GRID2: variants seen among roughly 807,000 people sequenced by gnomAD.
The protein encoded by GRID2 is glutamate ionotropic receptor delta type subunit 2, also known as glutamate receptor ionotropic, delta-2.
A neutral mutation model predicts 114.8 loss-of-function variants in GRID2; 33 were observed. That is an observed-to-expected ratio of 0.29 (90% confidence interval 0.22 to 0.38). The LOEUF (loss-of-function observed/expected upper bound fraction) is 0.38, where lower values mean the gene tolerates loss of function less well. Ranked by LOEUF, GRID2 falls within the 10% of genes least tolerant of loss-of-function variation. The pLI is 1.00. For synonymous variants in GRID2, 505 were observed against 449.9 expected (o/e 1.12, Z -1.55); for missense variants, 1,184 against 1,257.7 (o/e 0.94, Z 0.89).
intron 13 of GRID2, among the ~76,000 whole-genome samples, chr4:93,605,074 A>G (rs147615840): frequency 1.3e-5 from 2 of 152,224 alleles, no homozygotes; most frequent in Non-Finnish European, 2.9e-5. Context: ...ATGCAAGCCC[A>G]TCTATGATTA....
chr4:93,317,591 T>C (rs1037331659), intron 8 of GRID2, among the ~76,000 whole-genome samples: 3 of 152,140 alleles, frequency 2.0e-5, no homozygotes, highest in Non-Finnish European at 2.9e-5. Context: ...AGAGTTTCTT[T>C]CAGAAATTTA....
At chr4:92,419,437 G>A (rs904317537) in intron 1 of GRID2, among the ~76,000 whole-genome samples, 3 of 152,082 alleles carry the variant, frequency 2.0e-5, no homozygotes, top group Admixed American at 6.6e-5. Context: ...ACAACTGAGT[G>A]TCAGTTCTGG....
At chr4:93,239,411 A>G (rs1249180541) in intron 8 of GRID2, among the ~76,000 whole-genome samples, 1 of 137,222 alleles carries the variant, frequency 7.3e-6, no homozygotes, top group Non-Finnish European at 1.6e-5. Context: ...GTGTACGCAG[A>G]GCTGGTAACT....
chr4:93,535,059 C>G (rs1003829020), intron 13 of GRID2, among the ~76,000 whole-genome samples: 4 of 151,996 alleles, frequency 2.6e-5, no homozygotes, highest in African/African-American at 7.2e-5. Context: ...CCATTCTACT[C>G]TCTGCTTCTA....
At chr4:92,735,615 A>G (rs1376622114) in intron 2 of GRID2, among the ~76,000 whole-genome samples, 1 of 151,982 alleles carries the variant, frequency 6.6e-6, no homozygotes, top group Non-Finnish European at 1.5e-5. Flanking sequence ...AATTAACTAC[A>G]CTCTTTGAAC....
chr4:93,385,967 T>C (rs1764274987), intron 8 of GRID2, among the ~76,000 whole-genome samples: 2 of 152,186 alleles, frequency 1.3e-5, no homozygotes, highest in South Asian at 4.1e-4. Flanking sequence ...ACTGTCCATA[T>C]ATGTTAGATA....
At chr4:92,918,504 T>G (rs1749015025) in intron 2 of GRID2, among the ~76,000 whole-genome samples, 2 of 152,178 alleles carry the variant, frequency 1.3e-5, no homozygotes. Context: ...TAGATAGCTC[T>G]TATTATTTTG....
In GRID2 at chr4:92,397,523, GA is replaced by G. The variant is rs758653556; in HGVS notation, c.88+92782del. Among the ~76,000 whole-genome samples, 11 of 151,670 alleles carry G rather than the reference GA, an allele frequency of 7.3e-5. No individual in the cohort carries two copies. In the East Asian group the frequency reaches 1.7e-3, roughly 24 times the overall value. ...ACTATTGGAAAATTGAAGATCAAGA[GA>G]AAGAAAAAAGAAATTATTTATGTCA... is the stretch of plus-strand genomic sequence containing the variant. On this transcript the variant is annotated intron_variant, in intron 1 of 15. Transcript: ENST00000282020.
chr4:93,208,263 G>C (rs1332444258), intron 5 of GRID2, among the ~76,000 whole-genome samples: 2 of 151,812 alleles, frequency 1.3e-5, no homozygotes, highest in African/African-American at 2.4e-5. Context: ...AAGAATCCTG[G>C]TTTTATAGTC....
At chr4:93,032,462 G>A (rs1400184597) in intron 2 of GRID2, among the ~76,000 whole-genome samples, 1 of 152,064 alleles carries the variant, frequency 6.6e-6, no homozygotes, top group Non-Finnish European at 1.5e-5. Flanking sequence ...AATTTTTGCA[G>A]AGCAACCTAA....
chr4:93,127,055 C>CA (rs1734345169), intron 4 of GRID2, among the ~76,000 whole-genome samples: 1 of 152,114 alleles, frequency 6.6e-6, no homozygotes, highest in South Asian at 2.1e-4. Context: ...TTATAATCCT[C>CA]AAAAAACCCA....
chr4:93,172,726 A>G (rs1738963138), intron 4 of GRID2, among the ~76,000 whole-genome samples: 1 of 152,230 alleles, frequency 6.6e-6, no homozygotes, highest in African/African-American at 2.4e-5. Flanking sequence ...AGTTATAGCT[A>G]TATTGCAGAA....
intron 1 of GRID2, among the ~76,000 whole-genome samples, chr4:93,795,594 T>C (rs896445168): frequency 6.6e-6 from 1 of 152,172 alleles, no homozygotes; most frequent in African/African-American, 2.4e-5. Flanking sequence ...CTTGGTATAA[T>C]TTTTTAGTTA....
intron 7 of GRID2, among the ~76,000 whole-genome samples, chr4:93,233,965 G>A (rs1189517543): frequency 6.6e-6 from 1 of 152,102 alleles, no homozygotes; most frequent in East Asian, 1.9e-4. Flanking sequence ...GTTTGGTTTT[G>A]TGGCCTTTTA....
intron 8 of GRID2, among the ~76,000 whole-genome samples, chr4:93,290,880 T>TTTC (rs1241834369): frequency 7.1e-6 from 1 of 140,198 alleles, no homozygotes; most frequent in African/African-American, 2.7e-5. Flanking sequence ...TACTTTTTTT[T>TTTC]TTTTTTTTTT....
chr4:93,241,560 A>T (rs918107136), intron 8 of GRID2, among the ~76,000 whole-genome samples: 5 of 151,832 alleles, frequency 3.3e-5, no homozygotes, highest in Admixed American at 2.6e-4. Flanking sequence ...AAATTATTTG[A>T]TTTGCTACCA....
intron 2 of GRID2, among the ~76,000 whole-genome samples, chr4:92,880,952 G>C (rs769033760): frequency 1.3e-5 from 2 of 152,144 alleles, no homozygotes; most frequent in African/African-American, 2.4e-5. Context: ...CCCCAGGCTG[G>C]AGTGCAGTGG....
At chr4:93,619,813 A>C (rs1423097130) in intron 13 of GRID2, among the ~76,000 whole-genome samples, 1 of 152,226 alleles carries the variant, frequency 6.6e-6, no homozygotes, top group Non-Finnish European at 1.5e-5. Context: ...AGAACTGAGG[A>C]AGCTGCATGC....
chr4:93,638,465 G>A (rs1225324086), intron 14 of GRID2, among the ~76,000 whole-genome samples: 1 of 25,606 alleles, frequency 3.9e-5, no homozygotes, highest in East Asian at 6.1e-4. Context: ...CCCCTCCCCC[G>A]ACCCCACCAC....
Sources: gnomAD v4.1 joint callset for allele counts (sites outside exome capture counted in the v4.1 genomes callset) on GRCh38, gnomAD v4.1.1 for gene constraint, MANE v1.5 for transcripts, NCBI Gene and HGNC (gene_info 2026-07-23, HGNC 2026-07-21) for gene names.